DAPK1: variants seen among roughly 807,000 people sequenced by gnomAD.
The protein encoded by DAPK1 is death associated protein kinase 1, also known as death-associated protein kinase 1.
DAPK1 carries 56 observed loss-of-function variants against 144.9 expected under a neutral mutation model. That is an observed-to-expected ratio of 0.39 (90% CI 0.31 to 0.48). The LOEUF is 0.48. Ranked by LOEUF, DAPK1 falls within the 20% of genes least tolerant of loss-of-function variation. DAPK1 has a pLI of 0.95. For synonymous variants in DAPK1, 690 were observed against 749.0 expected (o/e 0.92, Z 1.29); for missense variants, 1,454 against 1,875.4 (o/e 0.78, Z 4.15).
intron 1 of DAPK1, chr9:87,498,657 T>G: frequency 1.7e-5 from 6 of 355,636 alleles, no homozygotes; most frequent in East Asian, 8.3e-5. Context: ...TGGGTGGGCA[T>G]GTGTGCAGAG....
intron 2 of DAPK1, among the ~76,000 whole-genome samples, chr9:87,547,782 G>T (rs1826314151): frequency 6.6e-6 from 1 of 152,120 alleles, no homozygotes; most frequent in Admixed American, 6.6e-5. Flanking sequence ...AATTCCCTCT[G>T]CAGGCCTTCC....
At chr9:87,651,185 A>T (rs1048978966) in intron 16 of DAPK1, among the ~76,000 whole-genome samples, 1 of 152,230 alleles carries the variant, frequency 6.6e-6, no homozygotes, top group Non-Finnish European at 1.5e-5. Context: ...TTGCTGGGCA[A>T]ATGTTTTTAA....
intron 2 of DAPK1, among the ~76,000 whole-genome samples, chr9:87,556,581 A>C (rs1826724912): frequency 6.6e-6 from 1 of 152,042 alleles, no homozygotes; most frequent in South Asian, 2.1e-4. Flanking sequence ...GAGCATGGGG[A>C]GGATGGCGGT....
chr9:87,610,667 G>A (rs1438451923), intron 3 of DAPK1, among the ~76,000 whole-genome samples: 1 of 152,244 alleles, frequency 6.6e-6, no homozygotes, highest in Non-Finnish European at 1.5e-5. Flanking sequence ...AAATGAGGAT[G>A]GTTGGCCTCC....
intron 3 of DAPK1, among the ~76,000 whole-genome samples, chr9:87,634,302 C>G (rs956782726): frequency 1.3e-5 from 2 of 152,210 alleles, no homozygotes; most frequent in Non-Finnish European, 2.9e-5. Context: ...TGGACAGTCT[C>G]TGACCTCTGT....
At position 87,645,627 on chromosome 9, in the gene DAPK1, T is replaced by C. The variant is rs560283734; in HGVS notation, c.1012-268T>C. ...CAAAGGGTTACTTATCATCATTATT[T>C]GAAATCTGGATCTTGGACATTGTGT... On this transcript the variant is annotated intron_variant, in intron 11 of 25. Transcript: ENST00000408954. Among the ~76,000 whole-genome samples the C allele has an allele frequency of 2.0e-5, 3 of 152,358 alleles. No homozygotes were observed. The South Asian group carries it at 6.2e-4, about 32-fold the overall frequency.
At chr9:87,635,184 G>A (rs532067820) in intron 3 of DAPK1, among the ~76,000 whole-genome samples, 6 of 152,150 alleles carry the variant, frequency 3.9e-5, no homozygotes, top group African/African-American at 1.4e-4. Context: ...GAGAAAGCTG[G>A]CCAGAGAAGA....
rs1824238124 is a variant in DAPK1, at chr9:87,497,988, G to C, written c.-228G>C. ...GGGCCGGCGCCTGGGAGGGATCTGC[G>C]CCCCCCACTCACTCCCTAGCTGTGT... On this transcript the variant is annotated 5_prime_UTR_variant, in exon 1 of 26. Coordinates refer to ENST00000408954, the MANE Select transcript of DAPK1 (RefSeq NM_004938.4). 1 of 397,162 alleles carries C rather than the reference G, an allele frequency of 2.5e-6. No homozygotes were observed. The allele number at this position is 397,162 out of a possible 1,614,324, so 24.6% of individuals were successfully genotyped here.
rs2118131103 is a variant in DAPK1 at position 87,706,808 on chromosome 9, A to G, written c.3737A>G (p.His1246Arg). Residue 1246 changes from histidine (H) to arginine (R), a missense_variant, in exon 26 of 26, where the codon CAT becomes CGT. By Grantham distance (29) the His-to-Arg change is conservative (BLOSUM62 0). Transcript: ENST00000408954. The surrounding 1 kb of genome is among the most constrained non-coding windows in gnomAD (Gnocchi z 9.0). ...AGCCCCCAGCAGCTGCGGGAGCACC[A>G]TGAGCCCGTCATGATCTACCAGCCA... is the stretch of plus-strand genomic sequence containing the variant. ...YLSPQQLREH[H>R]EPVMIYQPRD... is the part of the protein sequence containing the mutation. 5 of 1,613,702 alleles carry G rather than the reference A, an allele frequency of 3.1e-6. No individual in the cohort carries two copies. The highest frequency in any genetic ancestry group is 1.1e-5 in the South Asian group (1 of 91,072).
At chr9:87,690,492 A>G (rs529443834) in intron 21 of DAPK1, among the ~76,000 whole-genome samples, 1 of 152,026 alleles carries the variant, frequency 6.6e-6, no homozygotes, top group South Asian at 2.1e-4. Flanking sequence ...TTTCTAGTTT[A>G]TATGCTTTTT....
intron 2 of DAPK1, among the ~76,000 whole-genome samples, chr9:87,583,441 A>G (rs1015929434): frequency 2.6e-5 from 4 of 152,244 alleles, no homozygotes; most frequent in Non-Finnish European, 4.4e-5. Context: ...GCCCCAAGCA[A>G]TAGGCTTGCT....
intron 2 of DAPK1, among the ~76,000 whole-genome samples, chr9:87,552,656 A>G (rs1167068412): frequency 6.6e-5 from 10 of 152,046 alleles, no homozygotes. Context: ...CAGTGGTACA[A>G]TCATAGCTCA....
At chr9:87,618,319 A>C (rs1272700141) in intron 3 of DAPK1, among the ~76,000 whole-genome samples, 3 of 152,238 alleles carry the variant, frequency 2.0e-5, no homozygotes. Flanking sequence ...TGTAATGCTC[A>C]AACAGTGCTG....
In DAPK1 at chr9:87,681,508, C is replaced by G. The variant is rs2119335506; in HGVS notation, c.2106C>G (p.Thr702=). ...LFGHSGSGKT[T]LVESLKCGLL... ...GCCACTCGGGATCCGGGAAAACCAC[C>G]CTTGTAGAATCTCTCAAGTGTGGGC... is the stretch of plus-strand genomic sequence containing the variant. Residue 702 remains threonine (T), a synonymous_variant, in exon 20 of 26, where the codon ACC becomes ACG. Transcript: ENST00000408954. 1.2e-6 allele frequency: 2 copies of G among 1,610,520 alleles called. No individual in the cohort carries two copies. Among genetic ancestry groups the G allele is most frequent in the African/African-American group, 2.7e-5 (2 of 74,944 alleles).
At position 87,573,428 on chromosome 9, in the gene DAPK1, A is replaced by C. The variant is rs36204196; in HGVS notation, c.63-31526A>C. On this transcript the variant is annotated intron_variant, in intron 2 of 25. Coordinates refer to ENST00000408954, the MANE Select transcript of DAPK1 (RefSeq NM_004938.4). ...TACTGGCTTTCTGTTCATTGCACAC[A>C]GTGATACAGTAATACAACATCCAGA... Among the ~76,000 whole-genome samples the C allele has an allele frequency of 5.4e-3, 822 of 152,320 alleles. 6 individuals carry two copies. Among genetic ancestry groups the C allele is most frequent in the African/African-American group, 0.018 (768 of 41,566 alleles).
At chr9:87,627,780 C>G (rs1829540271) in intron 3 of DAPK1, among the ~76,000 whole-genome samples, 1 of 152,168 alleles carries the variant, frequency 6.6e-6, no homozygotes, top group Non-Finnish European at 1.5e-5. Context: ...AAACCTAGGA[C>G]CTGGGCAAGA....
intron 17 of DAPK1, among the ~76,000 whole-genome samples, chr9:87,653,947 G>GC (rs1180363512): frequency 1.3e-5 from 2 of 152,218 alleles, no homozygotes; most frequent in East Asian, 3.9e-4. Context: ...GCCCGCTTCA[G>GC]CCCCCCAATG....
intron 3 of DAPK1, among the ~76,000 whole-genome samples, chr9:87,607,416 C>T (rs1158230177): frequency 6.6e-6 from 1 of 152,134 alleles, no homozygotes; most frequent in Non-Finnish European, 1.5e-5. Context: ...TGCCACTTAT[C>T]CTCATTTCAT....
intron 2 of DAPK1, among the ~76,000 whole-genome samples, chr9:87,515,235 C>G (rs1193590361): frequency 6.6e-6 from 1 of 152,148 alleles, no homozygotes; most frequent in East Asian, 1.9e-4. Flanking sequence ...TGCAACAACT[C>G]AACTCTGTTT....
Sources: gnomAD v4.1 joint callset for allele counts (sites outside exome capture counted in the v4.1 genomes callset) on GRCh38, gnomAD v4.1.1 for gene constraint, Gnocchi (gnomAD v3.1) non-coding constraint, MANE v1.5 for transcripts, NCBI Gene and HGNC (gene_info 2026-07-23, HGNC 2026-07-21) for gene names.